Variants in DHCR24 observed in about 807,000 individuals in gnomAD.
DHCR24 encodes delta(24)-sterol reductase.
DHCR24 carries 28 observed loss-of-function variants against 61.2 expected under a neutral mutation model. The ratio of observed to expected loss-of-function variants is 0.46; its 90% confidence interval spans 0.34 to 0.63. The LOEUF is 0.63. Among genes scored for constraint, DHCR24 ranks in the 20% least tolerant of loss-of-function variants. The pLI is 0.01. For synonymous variants in DHCR24, 261 were observed against 275.9 expected (o/e 0.95, Z 0.54); for missense variants, 538 against 679.1 (o/e 0.79, Z 2.31).
chr1:54,885,861 G>C (rs952235596), intron 1 of DHCR24, among the ~76,000 whole-genome samples: 4 of 152,142 alleles, frequency 2.6e-5, no homozygotes, highest in Non-Finnish European at 4.4e-5. Context: ...GGTGCAGGTG[G>C]GGAGGGAGGA....
intron 5 of DHCR24, 125 bp downstream of exon 5, chr1:54,871,225 G>T: frequency 9.0e-7 from 1 of 1,107,104 alleles, no homozygotes; most frequent in Non-Finnish European, 1.3e-6. Context: ...TGTACCCCAG[G>T]TGGGTTGACC....
chr1:54,879,352 A>AAAAAG lies in DHCR24; in HGVS notation c.388-3306_388-3305insCTTTT, dbSNP rs573285056. Among the ~76,000 whole-genome samples the AAAAAG allele has an allele frequency of 1.5e-3, 190 of 128,204 alleles. 14 individuals carry two copies. Among genetic ancestry groups the AAAAAG allele is most frequent in the African/African-American group, 5.2e-3 (168 of 32,276 alleles). The allele number at this position is 128,204 out of a possible 152,430, so 84.1% of individuals were successfully genotyped here. A position where few individuals can be genotyped will look rare whatever the true frequency, so the allele number is the denominator to read the frequency against. ...AAAAAAAAAAAAAAAAAAAAAAAAA[A>AAAAAG]TCCAAATCAAACTTCTGGAAATGAA... On this transcript the variant is annotated intron_variant, in intron 2 of 8. Coordinates refer to ENST00000371269, the MANE Select transcript of DHCR24 (RefSeq NM_014762.4).
At chr1:54,879,169 A>G (rs1422425936) in intron 2 of DHCR24, among the ~76,000 whole-genome samples, 1 of 152,032 alleles carries the variant, frequency 6.6e-6, no homozygotes, top group Non-Finnish European at 1.5e-5. Context: ...ATACAAAAAA[A>G]TTAGCCAGGC....
chr1:54,868,386 C>T (rs985318733), intron 5 of DHCR24, among the ~76,000 whole-genome samples: 15 of 152,010 alleles, frequency 9.9e-5, no homozygotes, highest in Non-Finnish European at 1.8e-4. Flanking sequence ...AGGAGAATGG[C>T]GTGAACCTGG....
chr1:54,871,416 C>T lies in DHCR24; in HGVS notation c.810G>A (p.Leu270=), dbSNP rs1172133584. 1.2e-6 allele frequency: 2 copies of T among 1,614,206 alleles called. No homozygotes were observed. The highest frequency in any genetic ancestry group is 1.7e-6 in the Non-Finnish European group (2 of 1,180,024). Reference sequence around the variant, plus strand: ...TGACAGCCTCATCCAGGGAGTAGAGCAGCCCTTCCACGAAGTGGTTCTCCT... The same window carrying T: ...TGACAGCCTCATCCAGGGAGTAGAGTAGCCCTTCCACGAAGTGGTTCTCCT... ...QRQENHFVEG[L]LYSLDEAVIM... Residue 270 remains leucine (L), a synonymous_variant, in exon 5 of 9, where the codon CTG becomes CTA. Coordinates refer to ENST00000371269, the MANE Select transcript of DHCR24 (RefSeq NM_014762.4).
intron 1 of DHCR24, among the ~76,000 whole-genome samples, chr1:54,884,570 G>T (rs548926154): frequency 6.2e-4 from 94 of 152,330 alleles, no homozygotes; most frequent in Non-Finnish European, 1.1e-3. Context: ...TTTCTTTTCT[G>T]CTGAGATAGA....
Position 54,867,083 on chromosome 1 carries a change from A to T in DHCR24, c.877-1637T>A, listed in dbSNP as rs573371349. Among the ~76,000 whole-genome samples the T allele has an allele frequency of 2.4e-4, 37 of 152,292 alleles. 1 individual carries two copies. Among genetic ancestry groups the T allele is most frequent in the African/African-American group, 8.7e-4 (36 of 41,584 alleles). ...CAGAGAAGCCCAGGACATGGGAAAG[A>T]ACCCAGATAGTCTGTCTTTTCCAGG... On this transcript the variant is annotated intron_variant, in intron 5 of 8. Coordinates refer to ENST00000371269, the MANE Select transcript of DHCR24 (RefSeq NM_014762.4).
At chr1:54,865,019 C>T (rs1320346322) in intron 6 of DHCR24, among the ~76,000 whole-genome samples, 1 of 152,202 alleles carries the variant, frequency 6.6e-6, no homozygotes, top group African/African-American at 2.4e-5. Flanking sequence ...TAGAGGCTAA[C>T]CCTTCCTCAA....
intron 4 of DHCR24, among the ~76,000 whole-genome samples, chr1:54,871,872 C>G (rs1647002016): frequency 6.6e-6 from 1 of 152,120 alleles, no homozygotes; most frequent in Non-Finnish European, 1.5e-5. Context: ...CTAGGTACAG[C>G]CCCTGACCCA....
Position 54,887,174 on chromosome 1 carries a change from AGCTCCGCGCCTGGCCC to A in DHCR24, c.-71_-56del. The A allele has an allele frequency of 1.4e-6, 2 of 1,462,850 alleles. No individual in the cohort carries two copies. The highest frequency in any genetic ancestry group is 1.8e-6 in the Non-Finnish European group (2 of 1,082,044). The allele number at this position is 1,462,850 out of a possible 1,614,324, so 90.6% of individuals were successfully genotyped here. A position where few individuals can be genotyped will look rare whatever the true frequency, so the allele number is the denominator to read the frequency against. On this transcript the variant is annotated 5_prime_UTR_variant, in exon 1 of 9. Coordinates refer to ENST00000371269, the MANE Select transcript of DHCR24 (RefSeq NM_014762.4). ...GTTCGCGCCTCCTGTCACTGCCGCC[AGCTCCGCGCCTGGCCC>A]GCTCTGCGCCTGTAGCCCACAGCCC...
chr1:54,872,148 T>C (rs1396461281), intron 4 of DHCR24, among the ~76,000 whole-genome samples: 6 of 152,134 alleles, frequency 3.9e-5, no homozygotes, highest in African/African-American at 1.4e-4. Context: ...GTAAAGAAAC[T>C]GAGTCTCTCA....
chr1:54,885,508 A>C (rs1223283424), intron 1 of DHCR24, among the ~76,000 whole-genome samples: 1 of 152,214 alleles, frequency 6.6e-6, no homozygotes, highest in Admixed American at 6.5e-5. Flanking sequence ...TTCTAGCCCC[A>C]TTTACTGACT....
In DHCR24 at chr1:54,856,234, G is replaced by A. The variant is rs546511857; in HGVS notation, c.1021-2000C>T. ...ATGGCTGCCTCCAGGCTACAAGGCA[G>A]AGGAGCAGTTACTAGAGAGGCCTTA... On this transcript the variant is annotated intron_variant, in intron 6 of 8. Transcript: ENST00000371269. 2.0e-5 allele frequency among the ~76,000 whole-genome samples: 3 copies of A among 152,350 alleles called. No individual in the cohort carries two copies. In the South Asian group the frequency reaches 6.2e-4, roughly 32 times the overall value.
At position 54,883,305 on chromosome 1, in the gene DHCR24, A is replaced by AT. The variant is rs886953855; in HGVS notation, c.387+312dup. On this transcript the variant is annotated intron_variant, in intron 2 of 8. Coordinates refer to ENST00000371269, the MANE Select transcript of DHCR24 (RefSeq NM_014762.4). This position sits in a 1 kb window ranked among gnomAD's most constrained non-coding sequence, Gnocchi z 4.3. ...TGTCTCTCAGTCACTTCTGTAGCCC[A>AT]TTTTTTACCAGCACACTTCCTTATC... Among the ~76,000 whole-genome samples, 67 of 152,232 alleles carry AT rather than the reference A, an allele frequency of 4.4e-4. No homozygotes were observed. Among genetic ancestry groups the AT allele is most frequent in the African/African-American group, 1.5e-3 (61 of 41,538 alleles).
Position 54,875,078 on chromosome 1 carries a change from C to T in DHCR24, c.612+15G>A. Reference sequence around the variant, plus strand: ...AGAGCAGGCTGGCATGGACATCTCCCATTGCTGAACTCACCGGAGTGCATC... The same window carrying T: ...AGAGCAGGCTGGCATGGACATCTCCTATTGCTGAACTCACCGGAGTGCATC... On this transcript the variant is annotated intron_variant, in intron 4 of 8. Coordinates refer to ENST00000371269, the MANE Select transcript of DHCR24 (RefSeq NM_014762.4). 1 of 1,609,622 alleles carries T rather than the reference C, an allele frequency of 6.2e-7. No individual in the cohort carries two copies. The highest frequency in any genetic ancestry group is 8.5e-7 in the Non-Finnish European group (1 of 1,175,920).
rs1191755434 is a variant in DHCR24 at position 54,883,399 on chromosome 1, G to C, written c.387+219C>G. On this transcript the variant is annotated intron_variant, in intron 2 of 8. Transcript: ENST00000371269. The surrounding 1 kb of genome is among the most constrained non-coding windows in gnomAD (Gnocchi z 4.3). The stretch of plus-strand genomic sequence containing the variant: ...ACGAATTCCCCATTCCTGACTTCCT[G>C]TGGAAACGCAAAGGGTTCCCCTGAC... Among the ~76,000 whole-genome samples, 1 of 152,100 alleles carries C rather than the reference G, an allele frequency of 6.6e-6. No homozygotes were observed. The highest frequency in any genetic ancestry group is 2.4e-5 in the African/African-American group (1 of 41,402).
rs990415116 is a variant in DHCR24, at chr1:54,862,368, A to G, written c.1020+2935T>C. On this transcript the variant is annotated intron_variant, in intron 6 of 8. Transcript: ENST00000371269. Reference sequence around the variant, plus strand: ...GATTCACCCCTATTGCTTAAAGTCAATGATGACATTCCTATGGCCAAATCC... The same window carrying G: ...GATTCACCCCTATTGCTTAAAGTCAGTGATGACATTCCTATGGCCAAATCC... 5.5e-4 allele frequency among the ~76,000 whole-genome samples: 84 copies of G among 152,288 alleles called. 1 individual carries two copies. The highest frequency in any genetic ancestry group is 3.5e-4 in the Non-Finnish European group (24 of 68,010).
chr1:54,859,717 T>C (rs966084203), intron 6 of DHCR24, among the ~76,000 whole-genome samples: 1 of 152,194 alleles, frequency 6.6e-6, no homozygotes, highest in African/African-American at 2.4e-5. Flanking sequence ...AGTATTCTCA[T>C]CTATGGAATG....
chr1:54,881,795 G>T (rs1220807585), intron 2 of DHCR24, among the ~76,000 whole-genome samples: 1 of 152,208 alleles, frequency 6.6e-6, no homozygotes, highest in East Asian at 1.9e-4. Context: ...ATACACCATG[G>T]AATACTATGC....
Sources: gnomAD v4.1 joint callset for allele counts (sites outside exome capture counted in the v4.1 genomes callset) on GRCh38, gnomAD v4.1.1 for gene constraint, Gnocchi (gnomAD v3.1) non-coding constraint, MANE v1.5 for transcripts, NCBI Gene and HGNC (gene_info 2026-07-23, HGNC 2026-07-21) for gene names.